The following MACROD2 variants were observed in gnomAD, a reference collection of about 807,000 sequenced individuals.
MACROD2 encodes ADP-ribose glycohydrolase MACROD2.
MACROD2 carries 36 observed loss-of-function variants against 70.4 expected under a neutral mutation model. That is an observed-to-expected ratio of 0.51 (90% CI 0.39 to 0.68). MACROD2 has a LOEUF of 0.68. Ranked by LOEUF, MACROD2 falls within the 30% of genes least tolerant of loss-of-function variation. The pLI is 0.00. For missense variants in MACROD2, 496 were observed against 538.4 expected (o/e 0.92, Z 0.78); for synonymous variants, 172 against 178.8 (o/e 0.96, Z 0.30).
At chr20:14,644,508 GT>G (rs1179685574) in intron 4 of MACROD2, among the ~76,000 whole-genome samples, 2 of 152,068 alleles carry the variant, frequency 1.3e-5, no homozygotes, top group Admixed American at 6.6e-5. Flanking sequence ...TTATATACTA[GT>G]TTTTTTGTCC....
intron 5 of MACROD2, among the ~76,000 whole-genome samples, chr20:14,848,672 T>C (rs1290163655): frequency 6.6e-6 from 1 of 152,188 alleles, no homozygotes; most frequent in African/African-American, 2.4e-5. Context: ...GTTAAAATCA[T>C]AATAATTTCG....
At chr20:15,799,996 G>A (rs779055449) in intron 8 of MACROD2, among the ~76,000 whole-genome samples, 95 of 151,888 alleles carry the variant, frequency 6.3e-4, no homozygotes, top group South Asian at 6.2e-4. Flanking sequence ...GGAGTGTAGT[G>A]GTATATTATT....
chr20:15,676,400 T>G (rs1425010067), intron 8 of MACROD2, among the ~76,000 whole-genome samples: 3 of 152,232 alleles, frequency 2.0e-5, no homozygotes, highest in Non-Finnish European at 4.4e-5. Context: ...TAGATTAATA[T>G]CATGGGCTAA....
intron 4 of MACROD2, among the ~76,000 whole-genome samples, chr20:14,516,441 C>T (rs1018278904): frequency 6.6e-6 from 1 of 152,010 alleles, no homozygotes; most frequent in South Asian, 2.1e-4. Flanking sequence ...TTAGGTCTTA[C>T]GTTTAAGTCT....
chr20:14,811,599 G>C (rs1337576713), intron 5 of MACROD2, among the ~76,000 whole-genome samples: 1 of 152,092 alleles, frequency 6.6e-6, no homozygotes, highest in Non-Finnish European at 1.5e-5. Flanking sequence ...TTGAACTAAA[G>C]AGCTTCTGCA....
chr20:15,071,544 A>G (rs1337054459), intron 5 of MACROD2, among the ~76,000 whole-genome samples: 2 of 152,204 alleles, frequency 1.3e-5, no homozygotes, highest in Non-Finnish European at 2.9e-5. Context: ...TTGCTCAAGT[A>G]TTTCACACTC....
intron 7 of MACROD2, 63 bp downstream of exon 7, chr20:15,431,498 C>A: frequency 1.4e-6 from 2 of 1,478,604 alleles, no homozygotes; most frequent in Non-Finnish European, 1.9e-6. Flanking sequence ...TGCAGAGATT[C>A]AGTGAAAAAA....
At chr20:14,685,406 G>A (rs1414258489) in intron 5 of MACROD2, among the ~76,000 whole-genome samples, 1 of 152,160 alleles carries the variant, frequency 6.6e-6, no homozygotes, top group Non-Finnish European at 1.5e-5. Flanking sequence ...GCCATGTAAA[G>A]GCTGATTGGC....
intron 8 of MACROD2, among the ~76,000 whole-genome samples, chr20:15,743,541 C>G (rs1182727114): frequency 2.6e-5 from 4 of 152,164 alleles, no homozygotes; most frequent in African/African-American, 9.7e-5. Flanking sequence ...TACCTACCAT[C>G]CTAACCCATA....
chr20:14,312,884 A>G (rs1244944482), intron 3 of MACROD2, among the ~76,000 whole-genome samples: 1 of 152,224 alleles, frequency 6.6e-6, no homozygotes, highest in African/African-American at 2.4e-5. Context: ...TCTTTTCACA[A>G]CCACTATCCT....
intron 2 of MACROD2, among the ~76,000 whole-genome samples, chr20:14,080,323 G>A (rs2053972559): frequency 6.6e-6 from 1 of 150,688 alleles, no homozygotes; most frequent in Non-Finnish European, 1.5e-5. Flanking sequence ...GGCGCCTGTA[G>A]TCCCAGCTAC....
intron 4 of MACROD2, among the ~76,000 whole-genome samples, chr20:14,621,495 C>A (rs1187450557): frequency 6.6e-6 from 1 of 152,094 alleles, no homozygotes; most frequent in South Asian, 2.1e-4. Context: ...TTCTTTAAAA[C>A]CTCATACAGC....
At chr20:15,212,974 G>A (rs1193382988) in intron 5 of MACROD2, among the ~76,000 whole-genome samples, 9 of 152,180 alleles carry the variant, frequency 5.9e-5, no homozygotes, top group African/African-American at 2.2e-4. Context: ...AGATGGTTTT[G>A]ATCGCCCTCA....
intron 5 of MACROD2, among the ~76,000 whole-genome samples, chr20:14,898,390 A>G (rs1314953901): frequency 1.3e-5 from 2 of 152,132 alleles, no homozygotes; most frequent in African/African-American, 4.8e-5. Context: ...TTTCTCTTTA[A>G]CACAAGAAAT....
chr20:14,591,967 T>C (rs1378718782), intron 4 of MACROD2, among the ~76,000 whole-genome samples: 1 of 152,120 alleles, frequency 6.6e-6, no homozygotes, highest in African/African-American at 2.4e-5. Context: ...AAATTTAGAC[T>C]GAATGTGAAG....
At chr20:14,561,950 A>T (rs1452951204) in intron 4 of MACROD2, among the ~76,000 whole-genome samples, 1 of 150,498 alleles carries the variant, frequency 6.6e-6, no homozygotes, top group African/African-American at 2.4e-5. Flanking sequence ...GGTCAAAAAA[A>T]TAAATAAACC....
Position 14,152,767 on chromosome 20 carries a change from G to A in MACROD2, c.271+67039G>A, listed in dbSNP as rs148799242. On this transcript the variant is annotated intron_variant, in intron 3 of 17. Transcript: ENST00000684519. ...TTTTAGTATTATTTATTCTCAATTA[G>A]TCCAGGTACTGATGCTTGTATTATG... is the stretch of plus-strand genomic sequence containing the variant. Among the ~76,000 whole-genome samples the A allele has an allele frequency of 9.8e-4, 149 of 152,188 alleles. 1 individual carries two copies. In the East Asian group the frequency reaches 0.027, roughly 27 times the overall value.
rs6074689 is a variant in MACROD2, at chr20:14,122,183, C to T, written c.271+36455C>T. On this transcript the variant is annotated intron_variant, in intron 3 of 17. Transcript: ENST00000684519. ...CACTATATTATGCATGCAGCTACTC[C>T]AATACATATGGAATTCAGGAAACTT... 5.2e-3 allele frequency among the ~76,000 whole-genome samples: 788 copies of T among 152,262 alleles called. 2 individuals are homozygous for T. The highest frequency in any genetic ancestry group is 8.3e-3 in the Non-Finnish European group (564 of 68,020).
chr20:14,612,799 G>T (rs927263126), intron 4 of MACROD2, among the ~76,000 whole-genome samples: 12 of 152,022 alleles, frequency 7.9e-5, no homozygotes, highest in African/African-American at 2.9e-4. Context: ...AATTCTAAAA[G>T]TATTATGAAA....
Sources: allele counts gnomAD v4.1 joint callset (sites outside exome capture counted in the v4.1 genomes callset), GRCh38; gene constraint gnomAD v4.1.1; transcripts MANE v1.5; gene names NCBI Gene and HGNC (gene_info 2026-07-23, HGNC 2026-07-21).